The following CATSPER4 variants were observed in gnomAD, a reference collection of about 807,000 sequenced individuals.
The protein encoded by CATSPER4 is cation channel sperm-associated protein 4.
Under a neutral mutation model 54.4 loss-of-function variants are expected in CATSPER4, and 46 were observed. That is an observed-to-expected ratio of 0.84 (90% confidence interval 0.67 to 1.08). The LOEUF (loss-of-function observed/expected upper bound fraction) is 1.08, where lower values mean the gene tolerates loss of function less well. Ranked by LOEUF, CATSPER4 falls within the 50% of genes least tolerant of loss-of-function variation. CATSPER4 has a pLI of 0.00. For missense variants in CATSPER4, 574 were observed against 612.8 expected (o/e 0.94, Z 0.67); for synonymous variants, 230 against 231.9 (o/e 0.99, Z 0.08).
chr1:26,190,773 TTCACGAG>T lies in CATSPER4; in HGVS notation c.149_155del (p.His50ProfsTer52). The T allele has an allele frequency of 1.2e-6, 2 of 1,613,524 alleles. No homozygotes were observed. The highest frequency in any genetic ancestry group is 1.7e-6 in the Non-Finnish European group (2 of 1,179,856). ...CGCCCCTCTCCCCTGCAGAGTACCA[TTCACGAG>T]TCCTACGGTCGGCCAGAGGAGCAAG... On this transcript the variant is annotated frameshift_variant, in exon 1 of 10. Transcript: ENST00000456354. LOFTEE classifies it high-confidence loss of function.
At position 26,191,289 on chromosome 1, in the gene CATSPER4, C is replaced by T. The variant is rs752834576; in HGVS notation, c.216C>T (p.Asp72=). The part of the protein sequence containing the change: ...INRQEITNKA[D]AWDMQEFITH... ...AGGAAGGTCCTGCCCTCTTCCAGGA[C>T]GCCTGGGACATGCAGGAGTTCATCA... Residue 72 remains aspartate (D), a splice_region_variant and synonymous_variant, in exon 2 of 10, where the codon GAC becomes GAT. Coordinates refer to ENST00000456354, the MANE Select transcript of CATSPER4 (RefSeq NM_198137.2). 47 of 1,613,988 alleles carry T rather than the reference C, an allele frequency of 2.9e-5. No homozygotes were observed. The highest frequency in any genetic ancestry group is 5.3e-5 in the African/African-American group (4 of 74,912).
intron 2 of CATSPER4, among the ~76,000 whole-genome samples, chr1:26,192,714 AC>A (rs2088885974): frequency 6.6e-6 from 1 of 152,032 alleles, no homozygotes; most frequent in Non-Finnish European, 1.5e-5. Flanking sequence ...GGTGTGAGCC[AC>A]CATGCTGGGC....
intron 9 of CATSPER4, 78 bp downstream of exon 9, chr1:26,201,597 A>G (rs758346775): frequency 2.1e-6 from 3 of 1,453,466 alleles, no homozygotes; most frequent in Non-Finnish European, 2.9e-6. Context: ...CCTCTGGACC[A>G]TTTGTCAAAG....
intron 3 of CATSPER4, among the ~76,000 whole-genome samples, chr1:26,194,711 G>C (rs1018167050): frequency 6.6e-6 from 1 of 152,208 alleles, no homozygotes; most frequent in Non-Finnish European, 1.5e-5. Context: ...TGTATGTGAA[G>C]GTGCAGACTC....
intron 9 of CATSPER4, among the ~76,000 whole-genome samples, chr1:26,201,885 T>G (rs2089012925): frequency 6.6e-6 from 1 of 151,920 alleles, no homozygotes; most frequent in South Asian, 2.1e-4. Context: ...AGATGGGGGT[T>G]TCACCATCTT....
At position 26,198,037 on chromosome 1, in the gene CATSPER4, A is replaced by G. The variant is rs1230041759; in HGVS notation, c.638A>G (p.Asp213Gly). 6.2e-7 allele frequency: 1 copy of G among 1,613,994 alleles called. No individual in the cohort carries two copies. The highest frequency in any genetic ancestry group is 8.5e-7 in the Non-Finnish European group (1 of 1,179,864). Residue 213 changes from aspartate to glycine, a missense_variant, in exon 5 of 10, where the codon GAC becomes GGC. Coordinates refer to ENST00000456354, the MANE Select transcript of CATSPER4 (RefSeq NM_198137.2). ...IIRVILQSVP[D>G]MANIMVLILF... ...CGCGTCATCCTGCAGTCGGTGCCTG[A>G]CATGGCCAATATCATGGTCCTCATC...
At chr1:26,200,796 C>T (rs747273823) in intron 7 of CATSPER4, 34 bp from the exon 8 acceptor site, 3 of 1,569,544 alleles carry the variant, frequency 1.9e-6, no homozygotes, top group South Asian at 2.2e-5. Flanking sequence ...CCTGCCTGAG[C>T]TGTCCCGACC....
chr1:26,197,685 G>T lies in CATSPER4; in HGVS notation c.460-1G>T. Reference sequence around the variant, plus strand: ...CCCACTGGGGCTGGCCCACTCCCCAGGACGGCTGGAACATCCTCAACTTCA... The same window carrying T: ...CCCACTGGGGCTGGCCCACTCCCCATGACGGCTGGAACATCCTCAACTTCA... On this transcript the variant is annotated splice_acceptor_variant, in intron 3 of 9. Coordinates refer to ENST00000456354, the MANE Select transcript of CATSPER4 (RefSeq NM_198137.2). LOFTEE classifies it high-confidence loss of function. 1.2e-6 allele frequency: 2 copies of T among 1,612,504 alleles called. No homozygotes were observed. The highest frequency in any genetic ancestry group is 2.2e-5 in the South Asian group (2 of 91,012).
chr1:26,191,028 A>G lies in CATSPER4; in HGVS notation c.213+188A>G, dbSNP rs147758696. Among the ~76,000 whole-genome samples the G allele has an allele frequency of 1.3e-4, 20 of 152,222 alleles. No individual in the cohort carries two copies. The East Asian group carries it at 3.9e-3, about 29-fold the overall frequency. On this transcript the variant is annotated intron_variant, in intron 1 of 9. Coordinates refer to ENST00000456354, the MANE Select transcript of CATSPER4 (RefSeq NM_198137.2). ...CAATGCCCCCCATAGGAACCCTTAT[A>G]TAACGATCATCTTCACTATCAGAGA...
Position 26,200,954 on chromosome 1 carries a change from A to G in CATSPER4, c.1112A>G (p.Glu371Gly), listed in dbSNP as rs2089000988. ...GGAGGCCCCCTGTCGAACCTCTCAG[A>G]AAACACGTGTGACAACTTTTGCTTG... ...LAGGPLSNLS[E>G]NTCDNFCLVL... Residue 371 changes from glutamate (E) to glycine (G), a missense_variant, in exon 8 of 10, where the codon GAA becomes GGA. Physicochemically the swap from Glu to Gly is moderately conservative, Grantham distance 98. Coordinates refer to ENST00000456354, the MANE Select transcript of CATSPER4 (RefSeq NM_198137.2). 6.2e-7 allele frequency: 1 copy of G among 1,614,036 alleles called. No homozygotes were observed. Among genetic ancestry groups the G allele is most frequent in the Non-Finnish European group, 8.5e-7 (1 of 1,180,040 alleles).
intron 5 of CATSPER4, 64 bp from the exon 6 acceptor site, chr1:26,198,222 A>G (rs1026404785): frequency 1.9e-6 from 3 of 1,613,774 alleles, no homozygotes; most frequent in East Asian, 4.5e-5. Context: ...TTTACATGAC[A>G]TTTGTGTGTC....
intron 8 of CATSPER4, 35 bp from the exon 9 acceptor site, chr1:26,201,319 G>A (rs1889756): frequency 0.25 from 402,155 of 1,609,144 alleles, 52,791 homozygotes; most frequent in African/African-American, 0.38. Context: ...CCTCCCCTGA[G>A]GCCTTCTGAA....
chr1:26,202,423 G>A, intron 9 of CATSPER4, 66 bp from the exon 10 acceptor site: 1 of 1,405,984 alleles, frequency 7.1e-7, no homozygotes, highest in Non-Finnish European at 1.0e-6. Context: ...ACTGGAGGAG[G>A]TGAGTAACGG....
intron 6 of CATSPER4, among the ~76,000 whole-genome samples, chr1:26,199,353 A>ACT (rs1487422572): frequency 6.6e-6 from 1 of 150,724 alleles, no homozygotes. Context: ...AATCGCTTGA[A>ACT]CCTGGGAGGC....
intron 1 of CATSPER4, 97 bp downstream of exon 1, chr1:26,190,937 C>T: frequency 1.8e-6 from 2 of 1,115,764 alleles, no homozygotes; most frequent in South Asian, 1.3e-5. Context: ...CTCTAAACGC[C>T]CCCAGAAGAC....
chr1:26,193,094 C>T (rs1353035767), intron 2 of CATSPER4, among the ~76,000 whole-genome samples: 2 of 151,312 alleles, frequency 1.3e-5, no homozygotes, highest in Non-Finnish European at 2.9e-5. Flanking sequence ...GGAGGAGACA[C>T]GGTGACTTGG....
Position 26,202,569 on chromosome 1 carries a change from T to TGC in CATSPER4, c.*28_*29dup. ...AGGCCAGGATGGGAGCCAAGGGGCC[T>TGC]GCACACACACACCCAGCCGCTGCGT... On this transcript the variant is annotated 3_prime_UTR_variant, in exon 10 of 10. Transcript: ENST00000456354. 6.3e-7 allele frequency: 1 copy of TGC among 1,598,974 alleles called. No individual in the cohort carries two copies. The highest frequency in any genetic ancestry group is 8.5e-7 in the Non-Finnish European group (1 of 1,169,748).
At chr1:26,198,757 C>T (rs1407301575) in intron 6 of CATSPER4, among the ~76,000 whole-genome samples, 2 of 152,166 alleles carry the variant, frequency 1.3e-5, no homozygotes, top group Non-Finnish European at 2.9e-5. Context: ...ACCTTGGAGC[C>T]CACCAAACTG....
chr1:26,190,774 T>G lies in CATSPER4; in HGVS notation c.147T>G (p.Ile49Met), dbSNP rs760041961. The change falls in exon 1 of 10, where the codon ATT (isoleucine) becomes ATG (methionine). Residue 49 changes from isoleucine to methionine, a missense_variant. By Grantham distance (10) the Ile-to-Met change is conservative. Transcript: ENST00000456354. ...RGRPSPLQST[I>M]HESYGRPEEQ... ...GCCCCTCTCCCCTGCAGAGTACCAT[T>G]CACGAGTCCTACGGTCGGCCAGAGG... The G allele has an allele frequency of 1.9e-6, 3 of 1,613,390 alleles. No individual in the cohort carries two copies. Among genetic ancestry groups the G allele is most frequent in the Non-Finnish European group, 2.5e-6 (3 of 1,179,824 alleles).
Sources: allele counts gnomAD v4.1 joint callset (sites outside exome capture counted in the v4.1 genomes callset), GRCh38; gene constraint gnomAD v4.1.1; transcripts MANE v1.5; gene names NCBI Gene and HGNC (gene_info 2026-07-23, HGNC 2026-07-21).